Variants in GULP1 observed in about 807,000 individuals in gnomAD.
GULP1 encodes the protein GULP PTB domain containing engulfment adaptor 1, also known as PTB domain-containing engulfment adapter protein 1.
Under a neutral mutation model 40.9 loss-of-function variants are expected in GULP1, and 19 were observed. The observed-to-expected ratio is 0.46, with a 90% CI of 0.32 to 0.68. GULP1 has a LOEUF of 0.68. Ranked by LOEUF, GULP1 falls within the 30% of genes least tolerant of loss-of-function variation. The pLI, the probability that GULP1 is intolerant of heterozygous loss-of-function variation, is 0.03. For missense variants in GULP1, 312 were observed against 362.2 expected (o/e 0.86, Z 1.12); for synonymous variants, 119 against 117.6 (o/e 1.01, Z -0.08).
chr2:188,340,969 C>G (rs1019859296), intron 1 of GULP1, among the ~76,000 whole-genome samples: 1 of 152,120 alleles, frequency 6.6e-6, no homozygotes, highest in Non-Finnish European at 1.5e-5. Flanking sequence ...TTCTCCTCTT[C>G]TCTGCTCTCT....
intron 1 of GULP1, among the ~76,000 whole-genome samples, chr2:188,361,359 A>G (rs2046056210): frequency 6.6e-6 from 1 of 152,032 alleles, no homozygotes. Context: ...TTTGAGGCAC[A>G]GCAAGAAGAT....
At chr2:188,466,283 G>T (rs577557873) in intron 2 of GULP1, among the ~76,000 whole-genome samples, 47 of 146,794 alleles carry the variant, frequency 3.2e-4, no homozygotes, top group African/African-American at 1.2e-3. Flanking sequence ...TCAGTGGCTG[G>T]TTTTTTTTTC....
chr2:188,492,256 C>G (rs1252623271), intron 4 of GULP1, among the ~76,000 whole-genome samples: 3 of 151,838 alleles, frequency 2.0e-5, no homozygotes, highest in Non-Finnish European at 4.4e-5. Flanking sequence ...TATTTAAGAA[C>G]AATAACTTTT....
intron 2 of GULP1, among the ~76,000 whole-genome samples, chr2:188,445,720 G>A (rs901602575): frequency 6.6e-6 from 1 of 152,128 alleles, no homozygotes; most frequent in African/African-American, 2.4e-5. Flanking sequence ...TTAGAACAGT[G>A]TTGTTGGGCA....
At chr2:188,398,396 A>C (rs1331941712) in intron 2 of GULP1, among the ~76,000 whole-genome samples, 2 of 152,342 alleles carry the variant, frequency 1.3e-5, no homozygotes, top group East Asian at 3.9e-4. Context: ...ACTTTCACTG[A>C]CTTTTTAGAG....
intron 4 of GULP1, among the ~76,000 whole-genome samples, chr2:188,500,910 C>T (rs2063368904): frequency 6.6e-6 from 1 of 151,868 alleles, no homozygotes; most frequent in South Asian, 2.1e-4. Flanking sequence ...GCTGACTTAT[C>T]AACTCTATTA....
chr2:188,476,173 C>A (rs1450813838), intron 2 of GULP1, among the ~76,000 whole-genome samples: 1 of 152,118 alleles, frequency 6.6e-6, no homozygotes, highest in Non-Finnish European at 1.5e-5. Flanking sequence ...GAATTAGATT[C>A]TCTGAGTGAT....
At chr2:188,351,923 G>A (rs1337042301) in intron 1 of GULP1, among the ~76,000 whole-genome samples, 1 of 152,052 alleles carries the variant, frequency 6.6e-6, no homozygotes, top group African/African-American at 2.4e-5. Context: ...AATAAAGAAG[G>A]CAGCTTGCTT....
chr2:188,466,370 C>T, intron 2 of GULP1: 1 of 151,876 alleles, frequency 6.6e-6, no homozygotes, highest in East Asian at 1.9e-4. Context: ...CTCCGCCTCC[C>T]AGTTTCACAC....
chr2:188,306,540 G>A (rs188242447), intron 1 of GULP1, among the ~76,000 whole-genome samples: 25 of 152,278 alleles, frequency 1.6e-4, no homozygotes, highest in African/African-American at 4.8e-4. Flanking sequence ...AGCAATGAGA[G>A]TGTGCAGAGA....
intron 4 of GULP1, among the ~76,000 whole-genome samples, chr2:188,505,082 T>A (rs1259280600): frequency 6.6e-6 from 1 of 151,800 alleles, no homozygotes; most frequent in Non-Finnish European, 1.5e-5. Context: ...TTTAAAATAT[T>A]TTTATTTGAG....
At chr2:188,416,882 G>A (rs1456028049) in intron 2 of GULP1, among the ~76,000 whole-genome samples, 1 of 152,184 alleles carries the variant, frequency 6.6e-6, no homozygotes, top group Non-Finnish European at 1.5e-5. Context: ...CTAGTAGACT[G>A]TATTCATTCT....
intron 4 of GULP1, among the ~76,000 whole-genome samples, chr2:188,499,482 G>A (rs1575617767): frequency 6.6e-6 from 1 of 151,534 alleles, no homozygotes; most frequent in East Asian, 2.0e-4. Flanking sequence ...TAGAGTAGTG[G>A]CCTCTATACC....
Position 188,502,998 on chromosome 2 carries a change from A to C in GULP1, c.90+19506A>C, listed in dbSNP as rs2063572373. Among the ~76,000 whole-genome samples, 7 of 151,878 alleles carry C rather than the reference A, an allele frequency of 4.6e-5. No homozygotes were observed. In the South Asian group the frequency reaches 1.4e-3, roughly 31 times the overall value. ...CAGATGGGCAATAAAAGGTCTAGCT[A>C]GTTCCTCAAGACTTCGTATGGAGTC... On this transcript the variant is annotated intron_variant, in intron 4 of 11. Coordinates refer to ENST00000409830, the MANE Select transcript of GULP1 (RefSeq NM_016315.4).
At chr2:188,502,692 G>A (rs2063543856) in intron 4 of GULP1, among the ~76,000 whole-genome samples, 1 of 151,850 alleles carries the variant, frequency 6.6e-6, no homozygotes, top group Non-Finnish European at 1.5e-5. Context: ...CTATAAAATT[G>A]TGCAGTAATT....
At chr2:188,323,650 ATGTGTGTGTGTGTG>A (rs112584285) in intron 1 of GULP1, among the ~76,000 whole-genome samples, 7 of 143,696 alleles carry the variant, frequency 4.9e-5, no homozygotes, top group Admixed American at 3.5e-4. Context: ...ATCTGAAGAT[ATGTGTGTGTGTGTG>A]TGTGTGTGTG....
chr2:188,398,041 T>C (rs528680667), intron 2 of GULP1, among the ~76,000 whole-genome samples: 11 of 152,310 alleles, frequency 7.2e-5, no homozygotes, highest in African/African-American at 2.4e-4. Context: ...GATGCCATCA[T>C]CCAGGATTAA....
chr2:188,547,534 C>T (rs967478099), intron 7 of GULP1, among the ~76,000 whole-genome samples: 1 of 152,064 alleles, frequency 6.6e-6, no homozygotes, highest in African/African-American at 2.4e-5. Context: ...AAGATGTAGG[C>T]TGGGAGGTTA....
intron 1 of GULP1, among the ~76,000 whole-genome samples, chr2:188,371,672 A>G (rs538161449): frequency 6.6e-6 from 1 of 152,284 alleles, no homozygotes; most frequent in Non-Finnish European, 1.5e-5. Flanking sequence ...AGTATAGATT[A>G]CTATTTAGAA....
Sources: allele counts gnomAD v4.1 joint callset (sites outside exome capture counted in the v4.1 genomes callset), GRCh38; gene constraint gnomAD v4.1.1; transcripts MANE v1.5; gene names NCBI Gene and HGNC (gene_info 2026-07-23, HGNC 2026-07-21).